MRC2: variants seen among roughly 807,000 people sequenced by gnomAD.
MRC2 encodes the protein C-type mannose receptor 2.
In MRC2, 84 loss-of-function variants were observed where a neutral mutation model predicts 206.2. The observed-to-expected ratio is 0.41, with a 90% CI of 0.34 to 0.49. The LOEUF (loss-of-function observed/expected upper bound fraction) is 0.49. Ranked by LOEUF, MRC2 falls within the 20% of genes least tolerant of loss-of-function variation. MRC2 has a pLI of 0.31. For missense variants in MRC2, 1,676 were observed against 2,001.5 expected (o/e 0.84, Z 3.10); for synonymous variants, 798 against 800.0 (o/e 1.00, Z 0.04).
At chr17:62,629,392 C>G (rs951144357) in intron 1 of MRC2, among the ~76,000 whole-genome samples, 1 of 152,176 alleles carries the variant, frequency 6.6e-6, no homozygotes, top group African/African-American at 2.4e-5. Flanking sequence ...GTGAGAGGCC[C>G]GGTCAGGGAG....
At chr17:62,638,737 CAAAA>C (rs59450498) in intron 1 of MRC2, among the ~76,000 whole-genome samples, 61 of 85,176 alleles carry the variant, frequency 7.2e-4, no homozygotes, top group African/African-American at 2.7e-3. Flanking sequence ...AACCCTGTCT[CAAAA>C]AAAAAAAAAA....
At chr17:62,689,004 C>T (rs573062656) in intron 23 of MRC2, 44 bp downstream of exon 23, 1 of 1,497,956 alleles carries the variant, frequency 6.7e-7, no homozygotes, top group African/African-American at 1.4e-5. Flanking sequence ...GGGGCCCTGG[C>T]ACCGGGCTGG....
chr17:62,691,893 A>G (rs780285908), intron 28 of MRC2, among the ~76,000 whole-genome samples: 32 of 152,014 alleles, frequency 2.1e-4, no homozygotes, highest in Middle Eastern at 3.4e-3. Context: ...GCTGAGACCT[A>G]GCTGAGTGCA....
intron 1 of MRC2, among the ~76,000 whole-genome samples, chr17:62,653,719 G>T (rs1000712462): frequency 1.3e-5 from 2 of 152,132 alleles, no homozygotes; most frequent in African/African-American, 4.8e-5. Flanking sequence ...GTTTGGCCTG[G>T]CTGGGATGGA....
Position 62,680,781 on chromosome 17 carries a change from G to C in MRC2, c.2474-19G>C. ...GCCTCTGCCTGGCCGCCGCTCCCAC[G>C]CCCGCGCTGCTCCTGCAGGCCGACG... On this transcript the variant is annotated intron_variant, in intron 16 of 29. Transcript: ENST00000303375. This position sits in a 1 kb window ranked among gnomAD's most constrained non-coding sequence, Gnocchi z 4.8. The C allele has an allele frequency of 6.3e-7, 1 of 1,588,198 alleles. No individual in the cohort carries two copies. The highest frequency in any genetic ancestry group is 2.3e-5 in the East Asian group (1 of 44,210).
Position 62,639,974 on chromosome 17 carries a change from C to T in MRC2, c.118+12054C>T, listed in dbSNP as rs574150973. Among the ~76,000 whole-genome samples the T allele has an allele frequency of 6.6e-5, 10 of 151,196 alleles. No homozygotes were observed. In the East Asian group the frequency reaches 1.2e-3, roughly 18 times the overall value. The stretch of plus-strand genomic sequence containing the variant: ...GTTGAAGCAATTCTTCTGCCTCAGC[C>T]TCCCGAGTAGCTGGGATTACAGGCA... On this transcript the variant is annotated intron_variant, in intron 1 of 29. Coordinates refer to ENST00000303375, the MANE Select transcript of MRC2 (RefSeq NM_006039.5).
At chr17:62,640,058 C>T (rs372487889) in intron 1 of MRC2, among the ~76,000 whole-genome samples, 1 of 127,896 alleles carries the variant, frequency 7.8e-6, no homozygotes, top group Non-Finnish European at 1.6e-5. Context: ...TTAGTAGAGA[C>T]GGGGGTTTCT....
chr17:62,641,332 A>AG (rs1227997768), intron 1 of MRC2, among the ~76,000 whole-genome samples: 2 of 151,076 alleles, frequency 1.3e-5, no homozygotes, highest in Admixed American at 1.3e-4. Flanking sequence ...AAAAAAAAAA[A>AG]GAGAAGAAAA....
intron 20 of MRC2, among the ~76,000 whole-genome samples, chr17:62,686,481 A>AC (rs2089034160): frequency 6.6e-6 from 1 of 151,948 alleles, no homozygotes; most frequent in African/African-American, 2.4e-5. Flanking sequence ...AACAACAACA[A>AC]CAACAAAGAA....
In MRC2 at chr17:62,680,779, A is replaced by G; in HGVS notation, c.2474-21A>G. 6.4e-7 allele frequency: 1 copy of G among 1,571,486 alleles called. No homozygotes were observed. Among genetic ancestry groups the G allele is most frequent in the Non-Finnish European group, 8.6e-7 (1 of 1,159,282 alleles). ...CAGCCTCTGCCTGGCCGCCGCTCCC[A>G]CGCCCGCGCTGCTCCTGCAGGCCGA... is the stretch of plus-strand genomic sequence containing the variant. On this transcript the variant is annotated intron_variant, in intron 16 of 29. Transcript: ENST00000303375. The surrounding 1 kb of genome is among the most constrained non-coding windows in gnomAD (Gnocchi z 4.8).
In MRC2 at chr17:62,671,627, GCA is replaced by G. The variant is rs1235583207; in HGVS notation, c.1118-21_1118-20del. Reference sequence around the variant, plus strand: ...GACTGGGCGGCTCAGTCCCTGAGCAGCAGCCTCATGGGTCTCTGCAGACAGGT... The same window carrying G: ...GACTGGGCGGCTCAGTCCCTGAGCAGGCCTCATGGGTCTCTGCAGACAGGT... On this transcript the variant is annotated intron_variant, in intron 6 of 29. Coordinates refer to ENST00000303375, the MANE Select transcript of MRC2 (RefSeq NM_006039.5). The surrounding 1 kb of genome is among the most constrained non-coding windows in gnomAD (Gnocchi z 4.5). 10 of 1,540,354 alleles carry G rather than the reference GCA, an allele frequency of 6.5e-6. No individual in the cohort carries two copies. Among genetic ancestry groups the G allele is most frequent in the Middle Eastern group, 1.8e-4 (1 of 5,680 alleles).
At chr17:62,686,922 A>C (rs1331654462) in intron 20 of MRC2, among the ~76,000 whole-genome samples, 1 of 152,250 alleles carries the variant, frequency 6.6e-6, no homozygotes, top group African/African-American at 2.4e-5. Flanking sequence ...TGCCATCTGC[A>C]TCAGTAAGGA....
chr17:62,673,299 G>A (rs2088849835), intron 8 of MRC2, among the ~76,000 whole-genome samples: 1 of 152,082 alleles, frequency 6.6e-6, no homozygotes, highest in Non-Finnish European at 1.5e-5. Context: ...CAGAAGCAGG[G>A]GCCGAGGACT....
At chr17:62,663,419 A>G (rs1275767006) in intron 1 of MRC2, among the ~76,000 whole-genome samples, 2 of 152,180 alleles carry the variant, frequency 1.3e-5, no homozygotes, top group African/African-American at 4.8e-5. Context: ...CTATCATGAC[A>G]ATCTAATTTT....
In MRC2 at chr17:62,680,839, A is replaced by C; in HGVS notation, c.2513A>C (p.Lys838Thr). ...EWLRFQEAEY[K>T]FFEHHSTWAQ... Reference sequence around the variant, plus strand: ...CTGCGCTTCCAGGAGGCCGAGTACAAGTTCTTTGAGCACCACTCCACGTGG... The same window carrying C: ...CTGCGCTTCCAGGAGGCCGAGTACACGTTCTTTGAGCACCACTCCACGTGG... Residue 838 changes from lysine (K) to threonine (T), a missense_variant, in exon 17 of 30, where the codon AAG (lysine) becomes ACG (threonine). Around this residue, in one of 3 missense-constraint regions of MRC2, gnomAD observed 1,354 missense variants for 1,636.6 expected, o/e 0.83. Transcript: ENST00000303375. This position sits in a 1 kb window ranked among gnomAD's most constrained non-coding sequence, Gnocchi z 4.8. 1 of 1,612,868 alleles carries C rather than the reference A, an allele frequency of 6.2e-7. No individual in the cohort carries two copies. The highest frequency in any genetic ancestry group is 8.5e-7 in the Non-Finnish European group (1 of 1,179,856).
At chr17:62,655,021 C>T (rs1307879353) in intron 1 of MRC2, among the ~76,000 whole-genome samples, 1 of 152,226 alleles carries the variant, frequency 6.6e-6, no homozygotes. Flanking sequence ...TGCGGTGGCT[C>T]ACACCTGTAA....
intron 1 of MRC2, among the ~76,000 whole-genome samples, chr17:62,631,997 G>C (rs138056756): frequency 2.0e-5 from 3 of 152,134 alleles, no homozygotes; most frequent in Non-Finnish European, 2.9e-5. Flanking sequence ...GATAGGAAGC[G>C]TGTCTTCCTG....
At chr17:62,677,507 G>T in intron 12 of MRC2, 21 bp downstream of exon 12, 3 of 1,575,472 alleles carry the variant, frequency 1.9e-6, no homozygotes, top group Non-Finnish European at 2.6e-6. Flanking sequence ...CTGTTGGCCG[G>T]GTAGGGGGCA....
At chr17:62,631,610 G>A (rs990163639) in intron 1 of MRC2, among the ~76,000 whole-genome samples, 22 of 152,056 alleles carry the variant, frequency 1.4e-4, no homozygotes, top group East Asian at 3.9e-4. Context: ...GTGTCCCACC[G>A]GGAGGACTCC....
Sources: allele counts gnomAD v4.1 joint callset (sites outside exome capture counted in the v4.1 genomes callset), GRCh38; gene constraint gnomAD v4.1.1; regional missense constraint gnomAD v4.1.1; non-coding constraint Gnocchi (gnomAD v3.1); transcripts MANE v1.5; gene names NCBI Gene and HGNC (gene_info 2026-07-23, HGNC 2026-07-21).